SGCD: variants seen among roughly 807,000 people sequenced by gnomAD.
The protein encoded by SGCD is delta-sarcoglycan.
Under a neutral mutation model 36.6 loss-of-function variants are expected in SGCD, and 18 were observed. That is an observed-to-expected ratio of 0.49 (90% CI 0.34 to 0.73). The LOEUF (loss-of-function observed/expected upper bound fraction) is 0.73, where lower values mean the gene tolerates loss of function less well. Among genes scored for constraint, SGCD ranks in the 30% least tolerant of loss-of-function variants. SGCD has a pLI of 0.01. For missense variants in SGCD, 387 were observed against 346.7 expected (o/e 1.12, Z -0.92); for synonymous variants, 133 against 130.6 (o/e 1.02, Z -0.12).
intron 3 of SGCD, among the ~76,000 whole-genome samples, chr5:156,253,309 T>G (rs1765630925): frequency 6.6e-6 from 1 of 152,192 alleles, no homozygotes; most frequent in African/African-American, 2.4e-5. Context: ...AGCCAACATG[T>G]GAGACCTCTG....
At position 156,557,975 on chromosome 5, in the gene SGCD, A is replaced by G. The variant is rs1759098005; in HGVS notation, c.295-31256A>G. Among the ~76,000 whole-genome samples the G allele has an allele frequency of 2.0e-5, 3 of 151,424 alleles. No homozygotes were observed. In the South Asian group the frequency reaches 6.2e-4, roughly 31 times the overall value. On this transcript the variant is annotated intron_variant, in intron 4 of 8. Transcript: ENST00000337851. ...ATGGAAACATTATTCTTGAGGAAGG[A>G]CTATGTCTTTTTTGTATTCCCAGTG...
chr5:156,061,818 T>C (rs1657629934), intron 1 of SGCD, among the ~76,000 whole-genome samples: 1 of 145,388 alleles, frequency 6.9e-6, no homozygotes, highest in Non-Finnish European at 1.5e-5. Context: ...GGGACATGTG[T>C]TGGAGTGTTC....
intron 2 of SGCD, among the ~76,000 whole-genome samples, chr5:156,344,217 C>T (rs759889830): frequency 4.6e-5 from 7 of 152,032 alleles, no homozygotes; most frequent in Non-Finnish European, 7.4e-5. Context: ...AAAATGGCCT[C>T]CTAGGAGTCC....
Position 156,668,938 on chromosome 5 carries a change from C to T in SGCD, c.575+21402C>T, listed in dbSNP as rs1753173905. Among the ~76,000 whole-genome samples, 3 of 152,248 alleles carry T rather than the reference C, an allele frequency of 2.0e-5. No homozygotes were observed. In the South Asian group the frequency reaches 6.2e-4, roughly 32 times the overall value. ...GAGGAGGCCAATTGCAAGGTGGTCC[C>T]ATACCAGCTGGATTGTTAAGTGGCT... is the stretch of plus-strand genomic sequence containing the variant. On this transcript the variant is annotated intron_variant, in intron 7 of 8. Transcript: ENST00000337851.
chr5:156,290,138 T>C lies in SGCD; in HGVS notation c.-43-39396T>C, dbSNP rs142846431. 3.1e-4 allele frequency among the ~76,000 whole-genome samples: 47 copies of C among 152,288 alleles called. No homozygotes were observed. The South Asian group carries it at 3.7e-3, about 12-fold the overall frequency. ...GTGCTAGGTACTGTGGTGAGAGTGC[T>C]GTGGGTCCTTTGATCTTCCCAACTA... On this transcript the variant is annotated intron_variant, in intron 3 of 9. Transcript: ENST00000517913.
chr5:155,776,555 C>T, the SGCD span, among the ~76,000 whole-genome samples: 7 of 152,234 alleles, frequency 4.6e-5, no homozygotes, highest in East Asian at 1.2e-3. Context: ...TGAAGTCCAT[C>T]TCCAGTCTTC....
intron 1 of SGCD, among the ~76,000 whole-genome samples, chr5:156,076,389 A>G (rs1345023613): frequency 6.6e-6 from 1 of 152,088 alleles, no homozygotes; most frequent in Non-Finnish European, 1.5e-5. Flanking sequence ...TTCATTTACC[A>G]TAATTTTATG....
intron 3 of SGCD, among the ~76,000 whole-genome samples, chr5:156,303,742 T>C (rs1035470836): frequency 1.3e-5 from 2 of 151,600 alleles, no homozygotes; most frequent in African/African-American, 4.8e-5. Context: ...GGTGTGTCTA[T>C]ATATGTCATT....
the SGCD span, among the ~76,000 whole-genome samples, chr5:155,745,608 G>GT: frequency 3.4e-3 from 494 of 146,064 alleles, 1 homozygote; most frequent in Middle Eastern, 0.01. Context: ...AAACTGAAAA[G>GT]TTTTTTTTTT....
At chr5:155,810,795 C>CTTTTTTTTTTTTT in the SGCD span, among the ~76,000 whole-genome samples, 3 of 35,304 alleles carry the variant, frequency 8.5e-5, 1 homozygote, top group Non-Finnish European at 1.6e-4. Context: ...TTAGTGTCTG[C>CTTTTTTTTTTTTT]TTTTTTTTTT....
chr5:156,340,402 G>C (rs1439700312), intron 2 of SGCD, among the ~76,000 whole-genome samples: 2 of 152,188 alleles, frequency 1.3e-5, no homozygotes, highest in East Asian at 3.9e-4. Context: ...CATGCTTGGT[G>C]AATTGGAGCT....
chr5:156,455,117 A>G (rs1008957524), intron 3 of SGCD, among the ~76,000 whole-genome samples: 1 of 152,170 alleles, frequency 6.6e-6, no homozygotes, highest in Non-Finnish European at 1.5e-5. Flanking sequence ...TACTTGGCAT[A>G]CTTTTTTTAT....
intron 7 of SGCD, among the ~76,000 whole-genome samples, chr5:156,710,941 T>C (rs1458806923): frequency 6.6e-6 from 1 of 152,224 alleles, no homozygotes; most frequent in Non-Finnish European, 1.5e-5. Flanking sequence ...AGATATATTT[T>C]GGTGTAAAAT....
chr5:156,077,590 A>T (rs1760821173), intron 1 of SGCD, among the ~76,000 whole-genome samples: 1 of 152,096 alleles, frequency 6.6e-6, no homozygotes, highest in Non-Finnish European at 1.5e-5. Flanking sequence ...CTTTTGACTC[A>T]TGGGGTATAT....
chr5:156,521,966 C>T (rs918832085), intron 4 of SGCD, among the ~76,000 whole-genome samples: 3 of 152,104 alleles, frequency 2.0e-5, no homozygotes, highest in African/African-American at 7.2e-5. Flanking sequence ...CAGTGGTAGA[C>T]TGGATAAAGA....
intron 4 of SGCD, among the ~76,000 whole-genome samples, chr5:156,579,073 A>G (rs1334490624): frequency 6.6e-6 from 1 of 152,092 alleles, no homozygotes; most frequent in East Asian, 1.9e-4. Flanking sequence ...CCCTCTACAC[A>G]TTGCTTTAAA....
chr5:155,888,764 G>A (rs1179047675), intron 1 of SGCD, among the ~76,000 whole-genome samples: 1 of 152,148 alleles, frequency 6.6e-6, no homozygotes. Flanking sequence ...GGAGAAGGGT[G>A]GGAGAAGGTC....
intron 3 of SGCD, among the ~76,000 whole-genome samples, chr5:156,239,062 T>C (rs1046462683): frequency 1.3e-5 from 2 of 152,022 alleles, no homozygotes; most frequent in African/African-American, 2.4e-5. Context: ...CATTTTCACT[T>C]TGGGTCTGGG....
chr5:156,021,055 G>A (rs915764812), intron 1 of SGCD, among the ~76,000 whole-genome samples: 2 of 152,096 alleles, frequency 1.3e-5, no homozygotes, highest in African/African-American at 4.8e-5. Context: ...TTTGCTTGAG[G>A]ACATTTATCT....
Sources: allele counts gnomAD v4.1 joint callset (sites outside exome capture counted in the v4.1 genomes callset), GRCh38; gene constraint gnomAD v4.1.1; transcripts MANE v1.5; gene names NCBI Gene and HGNC (gene_info 2026-07-23, HGNC 2026-07-21).